Variants in PFKM observed in about 807,000 individuals in gnomAD.
The protein encoded by PFKM is phosphofructokinase, muscle, also known as ATP-dependent 6-phosphofructokinase, muscle type.
A neutral mutation model predicts 95.5 loss-of-function variants in PFKM; 58 were observed. The ratio of observed to expected loss-of-function variants is 0.61; its 90% CI spans 0.49 to 0.76. The LOEUF (loss-of-function observed/expected upper bound fraction) is 0.76, where lower values mean the gene tolerates loss of function less well. Among genes scored for constraint, PFKM ranks in the 30% least tolerant of loss-of-function variants. The pLI, the probability that PFKM is intolerant of heterozygous loss-of-function variation, is 0.00. For missense variants in PFKM, 678 were observed against 1,005.4 expected (o/e 0.67, Z 4.40); for synonymous variants, 336 against 357.2 (o/e 0.94, Z 0.67).
intron 2 of PFKM, among the ~76,000 whole-genome samples, chr12:48,128,617 T>C (rs747404422): frequency 1.8e-4 from 27 of 152,176 alleles, no homozygotes; most frequent in Non-Finnish European, 3.1e-4. Context: ...CTAATAGCCA[T>C]GTAATACCAA....
rs1320664155 is a variant in PFKM, at chr12:48,140,875, T to G, written c.1341+4T>G. ...CGAGGGCCTGGCCAAGGGGCAGGTATGGGGACTATTCTGGGACCTAGGAGC... is the reference window on the plus strand; with the variant it reads ...CGAGGGCCTGGCCAAGGGGCAGGTAGGGGGACTATTCTGGGACCTAGGAGC... On this transcript the variant is annotated splice_donor_region_variant and intron_variant, in intron 14 of 22. Transcript: ENST00000359794. 6.2e-7 allele frequency: 1 copy of G among 1,613,970 alleles called. No individual in the cohort carries two copies. The highest frequency in any genetic ancestry group is 1.7e-5 in the Admixed American group (1 of 60,024).
chr12:48,133,670 T>G (rs1390511383), intron 6 of PFKM, among the ~76,000 whole-genome samples, 190 bp downstream of exon 6: 1 of 152,240 alleles, frequency 6.6e-6, no homozygotes, highest in Admixed American at 6.5e-5. Context: ...TAATGATATA[T>G]GATTTGTCTT....
At position 48,145,159 on chromosome 12, in the gene PFKM, A is replaced by G. The variant is rs759903249; in HGVS notation, c.2092+29A>G. 3 of 1,610,430 alleles carry G rather than the reference A, an allele frequency of 1.9e-6. No homozygotes were observed. Among genetic ancestry groups the G allele is most frequent in the South Asian group, 1.1e-5 (1 of 91,016 alleles). On this transcript the variant is annotated intron_variant, in intron 21 of 22. Transcript: ENST00000359794. The surrounding 1 kb of genome is among the most constrained non-coding windows in gnomAD (Gnocchi z 4.3). ...GGTGGGGTGAGAGCGAGTGCCCTCTATAGAGGCTGGTTCCCCAGTATAGAA... is the reference window on the plus strand; with the variant it reads ...GGTGGGGTGAGAGCGAGTGCCCTCTGTAGAGGCTGGTTCCCCAGTATAGAA...
Position 48,145,791 on chromosome 12 carries a change from C to A in PFKM, c.*83C>A. On this transcript the variant is annotated 3_prime_UTR_variant, in exon 23 of 23. Coordinates refer to ENST00000359794, the MANE Select transcript of PFKM (RefSeq NM_000289.6). This position sits in a 1 kb window ranked among gnomAD's most constrained non-coding sequence, Gnocchi z 4.3. ...AGTCCACATCTTCTCAGTGTTTTAG[C>A]TGTTTTTTTCATTAGGTTTCCTTTT... 6.8e-7 allele frequency: 1 copy of A among 1,462,050 alleles called. No homozygotes were observed. The highest frequency in any genetic ancestry group is 9.6e-7 in the Non-Finnish European group (1 of 1,043,588). The allele number at this position is 1,462,050 out of a possible 1,614,324, so 90.6% of individuals were successfully genotyped here.
At chr12:48,136,556 G>A (rs1455943651) in intron 10 of PFKM, among the ~76,000 whole-genome samples, 1 of 151,886 alleles carries the variant, frequency 6.6e-6, no homozygotes, top group Non-Finnish European at 1.5e-5. Context: ...TGGGTTGTAT[G>A]GTAGTTTTTT....
upstream of PFKM, among the ~76,000 whole-genome samples, chr12:48,117,174 T>TTTC (rs60050726): frequency 0.29 from 44,641 of 152,014 alleles, 6,664 homozygotes; most frequent in Non-Finnish European, 0.31. Flanking sequence ...GGCTTGATAA[T>TTTC]TTTTTATTGA....
chr12:48,129,149 A>G (rs997675707), intron 2 of PFKM, among the ~76,000 whole-genome samples: 4 of 151,068 alleles, frequency 2.6e-5, no homozygotes, highest in Admixed American at 2.0e-4. Context: ...TGAAAAAGGG[A>G]AAAGGATTGC....
In PFKM at chr12:48,134,275, G is replaced by A. The variant is rs1949836661; in HGVS notation, c.637G>A (p.Gly213Arg). 3.7e-6 allele frequency: 6 copies of A among 1,613,282 alleles called. No homozygotes were observed. Among genetic ancestry groups the A allele is most frequent in the Non-Finnish European group, 5.1e-6 (6 of 1,179,204 alleles). ...GTTAGAAGTAATGGGCCGCCACTGT[G>A]GGTAAGATCCTCATTCTGACCCATT... Reference protein sequence around the residue: ...FVLEVMGRHCGYLALVTSLSC... With the variant: ...FVLEVMGRHCRYLALVTSLSC... The change falls in exon 7 of 23, where the codon GGA becomes AGA. Residue 213 changes from glycine to arginine, a missense_variant and splice_region_variant. Gly to Arg is a moderately radical substitution (Grantham distance 125, BLOSUM62 -2). Transcript: ENST00000359794.
In PFKM at chr12:48,131,330, G is replaced by T; in HGVS notation, c.174G>T (p.Leu58=). 6.2e-7 allele frequency: 1 copy of T among 1,612,140 alleles called. No homozygotes were observed. The highest frequency in any genetic ancestry group is 8.5e-7 in the Non-Finnish European group (1 of 1,178,204). The change falls in exon 4 of 23, where the codon CTG becomes CTT. Residue 58 remains leucine, a synonymous_variant. Transcript: ENST00000359794. The part of the protein sequence containing the change: ...VFFVHEGYQG[L]VDGGDHIKEA... ...GTGTCACACAGGGTTATCAAGGCCT[G>T]GTGGATGGTGGAGATCACATCAAGG... is the stretch of plus-strand genomic sequence containing the variant.
In PFKM at chr12:48,122,769, T is replaced by A. The variant is rs772276096; in HGVS notation, c.-6T>A. The stretch of plus-strand genomic sequence containing the variant: ...CTGACCATTGTCTTAAATTCTAGAG[T>A]GGATCATGACCCATGAAGAGCACCA... On this transcript the variant is annotated splice_region_variant and 5_prime_UTR_variant, in exon 2 of 23. Coordinates refer to ENST00000359794, the MANE Select transcript of PFKM (RefSeq NM_000289.6). 6.2e-7 allele frequency: 1 copy of A among 1,613,924 alleles called. No homozygotes were observed. The highest frequency in any genetic ancestry group is 2.2e-5 in the East Asian group (1 of 44,862).
At chr12:48,127,406 A>G (rs1295018838) in intron 2 of PFKM, among the ~76,000 whole-genome samples, 15 of 152,102 alleles carry the variant, frequency 9.9e-5, no homozygotes, top group Admixed American at 4.6e-4. Context: ...TATCACCCCC[A>G]CTGCCACCTG....
chr12:48,137,727 A>C lies in PFKM; in HGVS notation c.943A>C (p.Arg315=), dbSNP rs988857250. 3.1e-6 allele frequency: 5 copies of C among 1,614,062 alleles called. No homozygotes were observed. Among genetic ancestry groups the C allele is most frequent in the Non-Finnish European group, 4.2e-6 (5 of 1,180,038 alleles). ...PSAFDRILGS[R]MGVEAVMALL... is the part of the protein sequence containing the mutation. ...GTTCTCTGGGCTCCTGCAGGGCAGC[A>C]GGATGGGTGTGGAAGCAGTGATGGC... Residue 315 remains arginine, a synonymous_variant, in exon 11 of 23, where the codon AGG becomes CGG. Coordinates refer to ENST00000359794, the MANE Select transcript of PFKM (RefSeq NM_000289.6).
Position 48,144,039 on chromosome 12 carries a change from C to T in PFKM, c.1881-7C>T. On this transcript the variant is annotated splice_polypyrimidine_tract_variant and splice_region_variant and intron_variant, in intron 19 of 22. Coordinates refer to ENST00000359794, the MANE Select transcript of PFKM (RefSeq NM_000289.6). ...AGAGTCACAGGCTTTTGGTCTCCAC[C>T]TGGCAGGAATGAAAAGTGCAATGAG... 6.3e-7 allele frequency: 1 copy of T among 1,599,272 alleles called. No homozygotes were observed. Among genetic ancestry groups the T allele is most frequent in the African/African-American group, 1.3e-5 (1 of 74,742 alleles).
chr12:48,106,897 G>A (rs1946690830), intron 1 of PFKM, among the ~76,000 whole-genome samples: 1 of 152,158 alleles, frequency 6.6e-6, no homozygotes, highest in Non-Finnish European at 1.5e-5. Flanking sequence ...ACCTTTGAAG[G>A]GCTTTGTTGT....
chr12:48,125,276 A>G (rs1160094588), intron 2 of PFKM: 1 of 437,818 alleles, frequency 2.3e-6, no homozygotes, highest in African/African-American at 2.1e-5. Context: ...GTCTCCAGAT[A>G]GCCAGCCATT....
In PFKM at chr12:48,125,178, C is replaced by T. The variant is rs564762289; in HGVS notation, c.85+2319C>T. 4.3e-5 allele frequency: 12 copies of T among 277,758 alleles called. No homozygotes were observed. The East Asian group carries it at 1.0e-3, about 23-fold the overall frequency. The allele number at this position is 277,758 out of a possible 1,614,324, so 17.2% of individuals were successfully genotyped here. A position where few individuals can be genotyped will look rare whatever the true frequency, so the allele number is the denominator to read the frequency against. On this transcript the variant is annotated intron_variant, in intron 2 of 22. Coordinates refer to ENST00000359794, the MANE Select transcript of PFKM (RefSeq NM_000289.6). ...TTTCCAGCCTAGGAATGGCTTCAGC[C>T]GCCAAAACTATGCTACCTTTAGCCT... is the stretch of plus-strand genomic sequence containing the variant.
chr12:48,125,660 A>G (rs1290207045), intron 2 of PFKM: 1 of 163,940 alleles, frequency 6.1e-6, no homozygotes, highest in African/African-American at 2.5e-5. Context: ...GGATCTTTTT[A>G]TGTTGCCCAG....
In PFKM at chr12:48,137,414, C is replaced by T. The variant is rs1950198686; in HGVS notation, c.937-307C>T. On this transcript the variant is annotated intron_variant, in intron 10 of 22. Coordinates refer to ENST00000359794, the MANE Select transcript of PFKM (RefSeq NM_000289.6). Reference sequence around the variant, plus strand: ...CTTCACTGGAAGAGCAAAGCAATCTCCTACCTTGTTTTGTCAATAAGAAGG... The same window carrying T: ...CTTCACTGGAAGAGCAAAGCAATCTTCTACCTTGTTTTGTCAATAAGAAGG... 4 of 421,372 alleles carry T rather than the reference C, an allele frequency of 9.5e-6. No individual in the cohort carries two copies. The Admixed American group carries it at 1.4e-4, about 15-fold the overall frequency. 26.1% of individuals were successfully genotyped at this position (421,372 alleles called of 1,614,324 possible).
At chr12:48,108,831 G>C (rs1175468520) in intron 3 of PFKM, among the ~76,000 whole-genome samples, 1 of 152,150 alleles carries the variant, frequency 6.6e-6, no homozygotes, top group African/African-American at 2.4e-5. Context: ...TAAAACATAT[G>C]TATAAGGCAT....
Sources: gnomAD v4.1 joint callset for allele counts (sites outside exome capture counted in the v4.1 genomes callset) on GRCh38, gnomAD v4.1.1 for gene constraint, Gnocchi (gnomAD v3.1) non-coding constraint, MANE v1.5 for transcripts, NCBI Gene and HGNC (gene_info 2026-07-23, HGNC 2026-07-21) for gene names.